Variants in TRAPPC9 observed in about 807,000 individuals in gnomAD.
TRAPPC9 encodes IKK2 binding protein.
In TRAPPC9, 83 loss-of-function variants were observed where a neutral mutation model predicts 124.0. That is an observed-to-expected ratio of 0.67 (90% CI 0.56 to 0.80). The LOEUF is 0.80. Among genes scored for constraint, TRAPPC9 ranks in the 30% least tolerant of loss-of-function variants. The pLI, the probability that TRAPPC9 is intolerant of heterozygous loss-of-function variation, is 0.00. For missense variants in TRAPPC9, 1,302 were observed against 1,508.3 expected, an observed-to-expected ratio of 0.86 and a Z score of 2.27; for synonymous variants, 638 against 617.5, an observed-to-expected ratio of 1.03 and a Z score of -0.49.
chr8:139,854,869 G>T (rs1002900606), intron 21 of TRAPPC9, among the ~76,000 whole-genome samples: 1 of 152,144 alleles, frequency 6.6e-6, no homozygotes, highest in Admixed American at 6.5e-5. Flanking sequence ...GACCTGCCTG[G>T]GAAGCACACT....
chr8:139,750,227 G>C (rs531401404), intron 21 of TRAPPC9, among the ~76,000 whole-genome samples: 1 of 152,276 alleles, frequency 6.6e-6, no homozygotes, highest in East Asian at 1.9e-4. Flanking sequence ...CCCAAAAGCT[G>C]CAAGTATTAA....
At chr8:140,316,842 T>C (rs1361754474) in intron 9 of TRAPPC9, among the ~76,000 whole-genome samples, 1 of 152,222 alleles carries the variant, frequency 6.6e-6, no homozygotes, top group East Asian at 1.9e-4. Flanking sequence ...AGTGAAGCCC[T>C]CAGGTCCCGG....
intron 1 of TRAPPC9, among the ~76,000 whole-genome samples, chr8:140,457,127 T>C (rs2132749296): frequency 6.6e-6 from 1 of 152,248 alleles, no homozygotes; most frequent in East Asian, 1.9e-4. Flanking sequence ...GTCCGGGAAC[T>C]CAGGGCGGGG....
chr8:140,394,481 G>A (rs1371227958), intron 7 of TRAPPC9, among the ~76,000 whole-genome samples: 2 of 152,212 alleles, frequency 1.3e-5, no homozygotes, highest in Non-Finnish European at 2.9e-5. Flanking sequence ...ATACTATTAA[G>A]AGGCAGAGAC....
chr8:140,441,967 G>A (rs1184343231), intron 2 of TRAPPC9, among the ~76,000 whole-genome samples: 1 of 152,246 alleles, frequency 6.6e-6, no homozygotes, highest in Non-Finnish European at 1.5e-5. Flanking sequence ...CCTGGAATTC[G>A]AGACTGCAGT....
At chr8:140,336,986 T>C (rs1192112989) in intron 9 of TRAPPC9, among the ~76,000 whole-genome samples, 2 of 152,176 alleles carry the variant, frequency 1.3e-5, no homozygotes, top group Non-Finnish European at 2.9e-5. Flanking sequence ...TTGACTGGTG[T>C]CTGATGCTGG....
chr8:140,205,762 C>T (rs2062903254), intron 17 of TRAPPC9, among the ~76,000 whole-genome samples: 2 of 152,290 alleles, frequency 1.3e-5, no homozygotes, highest in South Asian at 4.1e-4. Context: ...TCCCGCTCAC[C>T]ACCCCTCCTA....
intron 17 of TRAPPC9, among the ~76,000 whole-genome samples, chr8:140,160,266 TACCATTTAACCCAGTGATCCC>T (rs2130884559): frequency 6.6e-6 from 1 of 152,246 alleles, no homozygotes; most frequent in African/African-American, 2.4e-5. Context: ...GAACTAGAAA[TACCATTTAACCCAGTGATCCC>T]ATTACTGGGT....
At chr8:140,237,145 C>T (rs2063748914) in intron 16 of TRAPPC9, among the ~76,000 whole-genome samples, 1 of 152,042 alleles carries the variant, frequency 6.6e-6, no homozygotes, top group Non-Finnish European at 1.5e-5. Context: ...CATGCCACTG[C>T]ACTCTGGCCT....
intron 21 of TRAPPC9, among the ~76,000 whole-genome samples, chr8:139,827,400 GA>G (rs1327641707): frequency 6.6e-6 from 1 of 152,252 alleles, no homozygotes; most frequent in Admixed American, 6.5e-5. Flanking sequence ...AAGGGATTCT[GA>G]AGCTTCTTGC....
chr8:139,765,159 G>T (rs1162758701), intron 21 of TRAPPC9, among the ~76,000 whole-genome samples: 1 of 152,148 alleles, frequency 6.6e-6, no homozygotes, highest in African/African-American at 2.4e-5. Context: ...CTGCTGCCTG[G>T]TCCCCCCAAA....
intron 17 of TRAPPC9, chr8:140,098,699 C>T (rs756691043): frequency 4.0e-5 from 6 of 151,680 alleles, no homozygotes; most frequent in Admixed American, 6.6e-5. Context: ...CTCCTCTCAT[C>T]CTCTGCAGCC....
chr8:139,895,711 C>T (rs977016860), intron 20 of TRAPPC9, among the ~76,000 whole-genome samples: 4 of 152,212 alleles, frequency 2.6e-5, no homozygotes, highest in Non-Finnish European at 5.9e-5. Flanking sequence ...CTGAGAGGCT[C>T]TAGGGAGGCA....
intron 17 of TRAPPC9, among the ~76,000 whole-genome samples, chr8:140,126,059 A>C (rs1009450740): frequency 5.3e-5 from 8 of 152,284 alleles, no homozygotes; most frequent in African/African-American, 1.9e-4. Context: ...GGCATGAGCC[A>C]CAGCACCAAG....
intron 21 of TRAPPC9, among the ~76,000 whole-genome samples, chr8:139,835,915 TTA>T (rs1022329087): frequency 6.6e-6 from 1 of 152,182 alleles, no homozygotes; most frequent in African/African-American, 2.4e-5. Context: ...TTTGGACAGG[TTA>T]TATATATCTA....
At chr8:139,886,047 C>T in intron 20 of TRAPPC9, 78 bp from the exon 21 acceptor site, 1 of 1,384,036 alleles carries the variant, frequency 7.2e-7, no homozygotes, top group East Asian at 2.5e-5. Context: ...TAGACAGAGA[C>T]CCTCAGATGG....
chr8:139,987,635 T>G (rs1837325067), intron 19 of TRAPPC9, among the ~76,000 whole-genome samples: 1 of 152,232 alleles, frequency 6.6e-6, no homozygotes, highest in South Asian at 2.1e-4. Flanking sequence ...ATTTTCTGTA[T>G]GTTTGAAGTC....
chr8:140,442,241 C>T (rs929577870), intron 2 of TRAPPC9, among the ~76,000 whole-genome samples: 1 of 152,126 alleles, frequency 6.6e-6, no homozygotes, highest in Non-Finnish European at 1.5e-5. Flanking sequence ...CATATAAATA[C>T]TCTTATAGTT....
chr8:140,141,912 T>G (rs1047113902), intron 17 of TRAPPC9, among the ~76,000 whole-genome samples: 2 of 152,178 alleles, frequency 1.3e-5, no homozygotes, highest in Non-Finnish European at 2.9e-5. Context: ...AAACATAAAA[T>G]GCACTCCATT....
Sources: allele counts gnomAD v4.1 joint callset (sites outside exome capture counted in the v4.1 genomes callset), GRCh38; gene constraint gnomAD v4.1.1; transcripts MANE v1.5; gene names NCBI Gene and HGNC (gene_info 2026-07-23, HGNC 2026-07-21).